PSMD1: variants seen among roughly 807,000 people sequenced by gnomAD.
PSMD1 encodes the protein 26S proteasome non-ATPase regulatory subunit 1.
A neutral mutation model predicts 119.0 loss-of-function variants in PSMD1; 18 were observed. The observed-to-expected ratio is 0.15, with a 90% confidence interval of 0.10 to 0.22. The LOEUF is 0.22. Among genes scored for constraint, PSMD1 ranks in the 10% least tolerant of loss-of-function variants. The pLI is 1.00. For missense variants in PSMD1, 702 were observed against 1,158.5 expected (o/e 0.61, Z 5.72); for synonymous variants, 374 against 396.6 (o/e 0.94, Z 0.68).
chr2:231,156,591 A>G (rs1361896087), intron 19 of PSMD1, among the ~76,000 whole-genome samples: 1 of 152,148 alleles, frequency 6.6e-6, no homozygotes, highest in East Asian at 1.9e-4. Flanking sequence ...GAATTTATTG[A>G]AAGTTTTTTT....
intron 23 of PSMD1, among the ~76,000 whole-genome samples, chr2:231,168,560 A>G (rs1236996835): frequency 2.6e-5 from 4 of 152,222 alleles, no homozygotes; most frequent in Non-Finnish European, 5.9e-5. Flanking sequence ...AAGACTGCAT[A>G]TGGTCTGGTT....
intron 1 of PSMD1, among the ~76,000 whole-genome samples, chr2:231,058,579 C>A (rs891665054): frequency 6.6e-6 from 1 of 151,366 alleles, no homozygotes; most frequent in African/African-American, 2.4e-5. Context: ...TTATGTATGC[C>A]CCAAGATACT....
chr2:231,092,697 T>A (rs1014754477), intron 16 of PSMD1, among the ~76,000 whole-genome samples: 2 of 152,212 alleles, frequency 1.3e-5, no homozygotes, highest in African/African-American at 4.8e-5. Flanking sequence ...TAAGATGTTA[T>A]AATAGCCTAA....
At chr2:231,169,832 C>T (rs1696873067) in intron 23 of PSMD1, among the ~76,000 whole-genome samples, 1 of 152,122 alleles carries the variant, frequency 6.6e-6, no homozygotes, top group African/African-American at 2.4e-5. Flanking sequence ...TTTGAATTTA[C>T]CTTCTGTAAT....
intron 2 of PSMD1, among the ~76,000 whole-genome samples, chr2:231,061,606 C>G (rs34218530): frequency 0.04 from 6,028 of 151,880 alleles, 185 homozygotes; most frequent in Non-Finnish European, 0.062. Context: ...GCTTTATCAC[C>G]CAGGCTAGAG....
chr2:231,153,537 CTAT>C, intron 18 of PSMD1, 24 bp from the exon 19 acceptor site: 4 of 1,470,054 alleles, frequency 2.7e-6, no homozygotes, highest in East Asian at 4.5e-5. Flanking sequence ...TAGACTTAGA[CTAT>C]AATTCTTTCT....
In PSMD1 at chr2:231,119,439, C is replaced by G. The variant is rs188881123; in HGVS notation, c.1884-19297C>G. ...GAACTCTGAAATAATAAGTGACTTG[C>G]CTGATCCAACACGGGAGAACCAGGA... On this transcript the variant is annotated intron_variant, in intron 16 of 24. Transcript: ENST00000308696. Among the ~76,000 whole-genome samples, 66 of 152,266 alleles carry G rather than the reference C, an allele frequency of 4.3e-4. 1 individual carries two copies. Among genetic ancestry groups the G allele is most frequent in the African/African-American group, 1.5e-3 (64 of 41,554 alleles).
At chr2:231,061,141 C>A (rs1425607648) in intron 1 of PSMD1, 126 bp from the exon 2 acceptor site, 1 of 611,830 alleles carries the variant, frequency 1.6e-6, no homozygotes, top group Non-Finnish European at 2.9e-6. Context: ...GAAAAATAAT[C>A]ATTCCCCTGG....
chr2:231,149,507 G>A (rs1481969557), intron 18 of PSMD1, among the ~76,000 whole-genome samples: 6 of 152,072 alleles, frequency 3.9e-5, no homozygotes, highest in African/African-American at 4.8e-5. Context: ...ACAGTTACTC[G>A]AACATGTACA....
rs1360457143 is a variant in PSMD1, at chr2:231,172,544, T to G, written c.*19T>G. The G allele has an allele frequency of 1.3e-5, 2 of 152,210 alleles. No homozygotes were observed. Among genetic ancestry groups the G allele is most frequent in the Admixed American group, 1.3e-4 (2 of 15,276 alleles). 9.4% of individuals were successfully genotyped at this position (152,210 alleles called of 1,614,324 possible). On this transcript the variant is annotated 3_prime_UTR_variant, in exon 25 of 25. Transcript: ENST00000308696. ...TTCTTCCCTTTCCCAGGATCTCACT[T>G]GCTTATCTGAAGAAGATTGTCCAGG...
At chr2:231,096,072 A>G (rs1694716223) in intron 16 of PSMD1, among the ~76,000 whole-genome samples, 2 of 152,336 alleles carry the variant, frequency 1.3e-5, no homozygotes, top group Non-Finnish European at 2.9e-5. Flanking sequence ...AGTGACCTCA[A>G]ACCTCTTGTA....
At chr2:231,101,006 C>T (rs1263704651) in intron 16 of PSMD1, among the ~76,000 whole-genome samples, 1 of 152,194 alleles carries the variant, frequency 6.6e-6, no homozygotes, top group African/African-American at 2.4e-5. Flanking sequence ...GAAAGAAGTT[C>T]TCAGACATGG....
intron 16 of PSMD1, among the ~76,000 whole-genome samples, chr2:231,088,417 G>A (rs1359946870): frequency 2.0e-5 from 3 of 152,174 alleles, no homozygotes; most frequent in African/African-American, 7.2e-5. Flanking sequence ...GAAGGTTTGT[G>A]ACAAGCCTGC....
chr2:231,113,760 G>C (rs919078056), intron 16 of PSMD1: 2 of 1,613,894 alleles, frequency 1.2e-6, no homozygotes, highest in African/African-American at 1.3e-5. Flanking sequence ...CTGTAATCTT[G>C]ATGAATGCTG....
chr2:231,076,665 AT>A (rs1391728624), intron 8 of PSMD1, among the ~76,000 whole-genome samples: 4 of 152,172 alleles, frequency 2.6e-5, no homozygotes, highest in East Asian at 1.9e-4. Context: ...AAAAAAAAAA[AT>A]CATATATATA....
At chr2:231,121,245 G>A (rs996455614) in intron 16 of PSMD1, among the ~76,000 whole-genome samples, 23 of 152,228 alleles carry the variant, frequency 1.5e-4, no homozygotes, top group African/African-American at 5.5e-4. Flanking sequence ...TAACAAACAT[G>A]AGCCAGGCAT....
rs569008150 is a variant in PSMD1, at chr2:231,161,228, C to T, written c.2219-112C>T. On this transcript the variant is annotated intron_variant, in intron 19 of 24. Coordinates refer to ENST00000308696, the MANE Select transcript of PSMD1 (RefSeq NM_002807.4). ...ACCCGAGCTTGGGTAACAGTGAGAC[C>T]CTATCTCTTTAAAAAAAAAAAAAAG... 38 of 1,069,064 alleles carry T rather than the reference C, an allele frequency of 3.6e-5. 1 individual carries two copies. In the African/African-American group the frequency reaches 5.3e-4, roughly 15 times the overall value. 66.2% of individuals were successfully genotyped at this position (1,069,064 alleles called of 1,614,324 possible). A position where few individuals can be genotyped will look rare whatever the true frequency, so the allele number is the denominator to read the frequency against.
intron 17 of PSMD1, among the ~76,000 whole-genome samples, chr2:231,142,538 A>G (rs1696149123): frequency 6.6e-6 from 1 of 152,210 alleles, no homozygotes; most frequent in Non-Finnish European, 1.5e-5. Flanking sequence ...AATTGAATGA[A>G]AAGTTTTTTT....
At chr2:231,134,493 C>G (rs1274098596) in intron 16 of PSMD1, among the ~76,000 whole-genome samples, 2 of 152,158 alleles carry the variant, frequency 1.3e-5, no homozygotes, top group Non-Finnish European at 2.9e-5. Context: ...ATATGACTGA[C>G]TAGACCCAGC....
Sources: gnomAD v4.1 joint callset for allele counts (sites outside exome capture counted in the v4.1 genomes callset) on GRCh38, gnomAD v4.1.1 for gene constraint, MANE v1.5 for transcripts, NCBI Gene and HGNC (gene_info 2026-07-23, HGNC 2026-07-21) for gene names.